GNG12: variants seen among roughly 807,000 people sequenced by gnomAD.
GNG12 encodes the protein guanine nucleotide-binding protein G(I)/G(S)/G(O) subunit gamma-12.
For missense variants in GNG12, 69 were observed against 83.8 expected (o/e 0.82, Z 0.69); for synonymous variants, 28 against 29.7 (o/e 0.94, Z 0.19).
intron 3 of GNG12, 136 bp from the exon 4 acceptor site, chr1:67,705,712 A>G: frequency 7.3e-7 from 1 of 1,370,898 alleles, no homozygotes; most frequent in Non-Finnish European, 9.5e-7. Context: ...CATCACTCTC[A>G]GATTCTTGTC....
chr1:67,800,627 T>C (rs1646859241), intron 1 of GNG12, among the ~76,000 whole-genome samples: 1 of 152,218 alleles, frequency 6.6e-6, no homozygotes, highest in Admixed American at 6.5e-5. Flanking sequence ...AAATGTGCTC[T>C]CAAAATTATG....
rs753111332 is a variant in GNG12 at position 67,797,022 on chromosome 1, C to A, written c.-76-19515G>T. ...AAGTGAGAACTCACTCATTACCATG[C>A]GGAGGGCACCAAGTTATTTATGAGG... is the stretch of plus-strand genomic sequence containing the variant. On this transcript the variant is annotated intron_variant, in intron 1 of 3. Coordinates refer to ENST00000370982, the MANE Select transcript of GNG12 (RefSeq NM_018841.6). Among the ~76,000 whole-genome samples the A allele has an allele frequency of 5.1e-4, 77 of 152,152 alleles. 1 individual carries two copies. Among genetic ancestry groups the A allele is most frequent in the Non-Finnish European group, 9.4e-4 (64 of 68,046 alleles).
chr1:67,833,310 G>A (rs1005743865), intron 1 of GNG12, 34 bp downstream of exon 1: 90 of 882,570 alleles, frequency 1.0e-4, no homozygotes, highest in Middle Eastern at 1.2e-3. Context: ...GCGGGGACCC[G>A]ACTCACCACC....
intron 1 of GNG12, among the ~76,000 whole-genome samples, chr1:67,787,758 G>T (rs1171428317): frequency 6.6e-6 from 1 of 152,162 alleles, no homozygotes; most frequent in East Asian, 1.9e-4. Context: ...AACCCTAAGA[G>T]GACGGCAGAA....
chr1:67,719,839 C>T (rs981245897), intron 2 of GNG12, among the ~76,000 whole-genome samples: 15 of 152,216 alleles, frequency 9.9e-5, no homozygotes, highest in African/African-American at 3.6e-4. Context: ...AAAGCCATGC[C>T]CTAAGCAGAC....
At chr1:67,717,771 T>C (rs948886643) in intron 2 of GNG12, among the ~76,000 whole-genome samples, 10 of 152,180 alleles carry the variant, frequency 6.6e-5, no homozygotes, top group Non-Finnish European at 1.5e-4. Flanking sequence ...CCAGTGATAT[T>C]CCTTTGGTAC....
At chr1:67,758,053 T>C (rs1192965432) in intron 2 of GNG12, among the ~76,000 whole-genome samples, 1 of 152,114 alleles carries the variant, frequency 6.6e-6, no homozygotes, top group Non-Finnish European at 1.5e-5. Flanking sequence ...CTCACTGCAG[T>C]GTCTGCCTCC....
At chr1:67,765,155 A>C (rs1646628217) in intron 2 of GNG12, among the ~76,000 whole-genome samples, 1 of 152,176 alleles carries the variant, frequency 6.6e-6, no homozygotes, top group Admixed American at 6.5e-5. Flanking sequence ...AACTTATAAT[A>C]ATCTATAAAA....
chr1:67,735,859 T>A (rs753463713), intron 2 of GNG12, among the ~76,000 whole-genome samples: 79 of 152,150 alleles, frequency 5.2e-4, no homozygotes, highest in Non-Finnish European at 8.7e-4. Flanking sequence ...AATATTTTTT[T>A]AAAAATAGTT....
At chr1:67,793,845 A>G (rs1447684767) in intron 1 of GNG12, among the ~76,000 whole-genome samples, 1 of 152,160 alleles carries the variant, frequency 6.6e-6, no homozygotes, top group Non-Finnish European at 1.5e-5. Context: ...GTATTTTGTT[A>G]ACAGTTCTTT....
At chr1:67,766,146 A>ACACACC (rs1646637595) in intron 2 of GNG12, among the ~76,000 whole-genome samples, 2 of 139,614 alleles carry the variant, frequency 1.4e-5, no homozygotes, top group African/African-American at 6.0e-5. Flanking sequence ...ACACACACAC[A>ACACACC]CACCCCTAAA....
chr1:67,781,541 G>A (rs1281766420), intron 1 of GNG12, among the ~76,000 whole-genome samples: 1 of 152,122 alleles, frequency 6.6e-6, no homozygotes, highest in Non-Finnish European at 1.5e-5. Context: ...TAAACAATAA[G>A]TTCTACAATT....
Position 67,703,933 on chromosome 1 carries a change from G to A in GNG12, c.*1518C>T, listed in dbSNP as rs1372807242. ...CTTCCTGGGGTTGATTCCTTTTTGA[G>A]GGGAAGTTTTTAACCTTTCCTTAGT... On this transcript the variant is annotated 3_prime_UTR_variant, in exon 4 of 4. Coordinates refer to ENST00000370982, the MANE Select transcript of GNG12 (RefSeq NM_018841.6). 3 of 152,196 alleles carry A rather than the reference G, an allele frequency of 2.0e-5. No individual in the cohort carries two copies. The highest frequency in any genetic ancestry group is 3.9e-4 in the East Asian group (2 of 5,194). The allele number at this position is 152,196 out of a possible 1,614,324, so 9.4% of individuals were successfully genotyped here. A position where few individuals can be genotyped will look rare whatever the true frequency, so the allele number is the denominator to read the frequency against.
intron 1 of GNG12, among the ~76,000 whole-genome samples, chr1:67,787,222 G>A (rs1438229842): frequency 6.6e-6 from 1 of 151,928 alleles, no homozygotes; most frequent in African/African-American, 2.4e-5. Context: ...ATCATAGAAG[G>A]CTTCCAGGAG....
intron 2 of GNG12, among the ~76,000 whole-genome samples, chr1:67,716,532 G>T (rs1054464525): frequency 2.0e-5 from 3 of 152,194 alleles, no homozygotes; most frequent in Non-Finnish European, 4.4e-5. Flanking sequence ...AGATGAAGCA[G>T]AGAGAGGTTA....
At chr1:67,716,598 G>A (rs992072615) in intron 2 of GNG12, among the ~76,000 whole-genome samples, 1 of 152,136 alleles carries the variant, frequency 6.6e-6, no homozygotes, top group African/African-American at 2.4e-5. Context: ...AGGGCTACCT[G>A]GCTCTCAAGA....
chr1:67,767,369 C>T (rs1646647346), intron 2 of GNG12, among the ~76,000 whole-genome samples: 1 of 152,164 alleles, frequency 6.6e-6, no homozygotes, highest in Admixed American at 6.5e-5. Flanking sequence ...GAGACAGATA[C>T]CGAGGTGGAG....
intron 2 of GNG12, among the ~76,000 whole-genome samples, chr1:67,713,731 C>T (rs1557593591): frequency 2.0e-5 from 3 of 152,196 alleles, no homozygotes; most frequent in Admixed American, 2.0e-4. Flanking sequence ...CTTTCTCTAG[C>T]TCTTTATCTG....
chr1:67,773,294 G>A (rs1646685407), intron 2 of GNG12, among the ~76,000 whole-genome samples: 1 of 151,960 alleles, frequency 6.6e-6, no homozygotes, highest in Admixed American at 6.6e-5. Context: ...TATCATTCTC[G>A]GCACCAATGG....
Sources: gnomAD v4.1 joint callset for allele counts (sites outside exome capture counted in the v4.1 genomes callset) on GRCh38, gnomAD v4.1.1 for gene constraint, MANE v1.5 for transcripts, NCBI Gene and HGNC (gene_info 2026-07-23, HGNC 2026-07-21) for gene names.